The following TRPM3 variants were observed in gnomAD, a reference collection of about 807,000 sequenced individuals.
The protein encoded by TRPM3 is transient receptor potential cation channel subfamily M member 3.
TRPM3 carries 77 observed loss-of-function variants against 181.2 expected under a neutral mutation model. The observed-to-expected ratio is 0.42, with a 90% confidence interval of 0.35 to 0.51. TRPM3 has a LOEUF of 0.51. Ranked by LOEUF, TRPM3 falls within the 20% of genes least tolerant of loss-of-function variation. The pLI is 0.01. For missense variants in TRPM3, 1,759 were observed against 2,196.7 expected (o/e 0.80, Z 3.98); for synonymous variants, 745 against 796.4 (o/e 0.94, Z 1.09).
Position 71,200,318 on chromosome 9 carries a change from G to A in TRPM3, c.183+246335C>T, listed in dbSNP as rs554849710. On this transcript the variant is annotated intron_variant, in intron 1 of 24. Transcript: ENST00000357533. The stretch of plus-strand genomic sequence containing the variant: ...CTATGTGGTCAATTTTGGAATAGGT[G>A]TGGTGTGGTGCTGAAAAAAATGTAT... 2.0e-5 allele frequency among the ~76,000 whole-genome samples: 3 copies of A among 151,850 alleles called. No individual in the cohort carries two copies. The East Asian group carries it at 5.8e-4, about 29-fold the overall frequency.
intron 6 of TRPM3, among the ~76,000 whole-genome samples, chr9:70,786,375 C>A (rs1156243771): frequency 2.0e-5 from 3 of 147,932 alleles, no homozygotes; most frequent in Non-Finnish European, 3.0e-5. Context: ...ATCCCAGCTA[C>A]TTGGGAGGCT....
intron 1 of TRPM3, among the ~76,000 whole-genome samples, chr9:71,104,707 T>C (rs2069122647): frequency 6.6e-6 from 1 of 152,186 alleles, no homozygotes; most frequent in South Asian, 2.1e-4. Context: ...TTTGCTGTTG[T>C]TATTGCTTTT....
intron 9 of TRPM3, among the ~76,000 whole-genome samples, chr9:70,660,235 C>T (rs4745024): frequency 6.6e-6 from 1 of 151,910 alleles, no homozygotes; most frequent in African/African-American, 2.4e-5. Flanking sequence ...AGGGAAAAGT[C>T]AAACTGGGAA....
At chr9:71,136,970 G>T (rs187939067) in intron 1 of TRPM3, among the ~76,000 whole-genome samples, 1 of 152,298 alleles carries the variant, frequency 6.6e-6, no homozygotes, top group East Asian at 1.9e-4. Context: ...AGGTTTTTAA[G>T]TGTGCAGTAA....
At chr9:70,777,581 T>C (rs1012169524) in intron 7 of TRPM3, among the ~76,000 whole-genome samples, 2 of 152,176 alleles carry the variant, frequency 1.3e-5, no homozygotes, top group Non-Finnish European at 2.9e-5. Context: ...TATGTCTTTA[T>C]ATATACTACA....
rs114876188 is a variant in TRPM3, at chr9:70,805,603, T to C, written c.974-21324A>G. 6.9e-3 allele frequency among the ~76,000 whole-genome samples: 997 copies of C among 143,918 alleles called. 14 individuals are homozygous for C. The highest frequency in any genetic ancestry group is 0.024 in the African/African-American group (947 of 39,720). The allele number at this position is 143,918 out of a possible 152,430, so 94.4% of individuals were successfully genotyped here. On this transcript the variant is annotated intron_variant, in intron 6 of 25. Coordinates refer to ENST00000677713, the MANE Select transcript of TRPM3 (RefSeq NM_001366145.2). ...AAACCAGGTGGAAAGGGTCTTGGAA[T>C]TGGGTTTATTTGAATAAAAGAAAAT...
chr9:70,773,898 T>C (rs1303795077), intron 7 of TRPM3, among the ~76,000 whole-genome samples: 1 of 152,240 alleles, frequency 6.6e-6, no homozygotes, highest in East Asian at 1.9e-4. Context: ...TACGTGATGA[T>C]TGCCTGGTAG....
chr9:70,941,381 G>T (rs1247505975), intron 1 of TRPM3, among the ~76,000 whole-genome samples: 1 of 152,070 alleles, frequency 6.6e-6, no homozygotes, highest in African/African-American at 2.4e-5. Flanking sequence ...CCAGTGATTT[G>T]CCAAGGGCTC....
intron 5 of TRPM3, among the ~76,000 whole-genome samples, chr9:70,828,492 A>C (rs2093689336): frequency 6.6e-6 from 1 of 150,942 alleles, no homozygotes; most frequent in Non-Finnish European, 1.5e-5. Flanking sequence ...CTCATTCAGT[A>C]ATTTGAAGGT....
At chr9:71,240,522 G>A (rs2081601256) in intron 1 of TRPM3, among the ~76,000 whole-genome samples, 1 of 152,108 alleles carries the variant, frequency 6.6e-6, no homozygotes, top group Non-Finnish European at 1.5e-5. Flanking sequence ...TCATTAGTTT[G>A]ATATATTTTA....
chr9:71,120,622 TA>T (rs1404715038), intron 1 of TRPM3, among the ~76,000 whole-genome samples: 1 of 152,178 alleles, frequency 6.6e-6, no homozygotes, highest in Non-Finnish European at 1.5e-5. Context: ...ATGCCTTTTC[TA>T]AAAACAAGGA....
chr9:70,944,667 T>G (rs1054682512), intron 1 of TRPM3, among the ~76,000 whole-genome samples: 1 of 152,162 alleles, frequency 6.6e-6, no homozygotes, highest in Non-Finnish European at 1.5e-5. Flanking sequence ...CAGGAGATAC[T>G]TGATTTAGGG....
At chr9:71,400,340 G>A (rs1403949470) in intron 1 of TRPM3, among the ~76,000 whole-genome samples, 2 of 152,024 alleles carry the variant, frequency 1.3e-5, no homozygotes, top group East Asian at 3.9e-4. Flanking sequence ...TAAGTGTTTG[G>A]CTCTGTAATT....
chr9:71,363,125 A>G (rs1184724445), intron 1 of TRPM3, among the ~76,000 whole-genome samples: 2 of 152,198 alleles, frequency 1.3e-5, no homozygotes, highest in Non-Finnish European at 2.9e-5. Context: ...ATATGGCAAA[A>G]TTTCTGCAAG....
chr9:70,957,787 CAGTT>C (rs1197715131), intron 1 of TRPM3, among the ~76,000 whole-genome samples: 3 of 152,106 alleles, frequency 2.0e-5, no homozygotes, highest in Admixed American at 6.6e-5. Flanking sequence ...CAGAACTTAA[CAGTT>C]AGGAAACAGA....
rs570500648 is a variant in TRPM3, at chr9:70,578,563, C to T, written c.3223+12468G>A. ...TGACTGTTCAGACACCCTAAGTGCC[C>T]GATGTCCTAACTTGGTCTTTGGTCT... is the stretch of plus-strand genomic sequence containing the variant. On this transcript the variant is annotated intron_variant, in intron 22 of 25. Transcript: ENST00000677713. Among the ~76,000 whole-genome samples the T allele has an allele frequency of 8.7e-4, 133 of 152,300 alleles. 2 individuals are homozygous for T. Among genetic ancestry groups the T allele is most frequent in the Non-Finnish European group, 1.7e-3 (113 of 68,028 alleles).
chr9:71,003,546 T>C (rs1381837958), intron 1 of TRPM3, among the ~76,000 whole-genome samples: 1 of 152,172 alleles, frequency 6.6e-6, no homozygotes, highest in African/African-American at 2.4e-5. Context: ...CACTGTGCTT[T>C]CCCATCAGCA....
chr9:70,567,504 A>T (rs2050928172), intron 22 of TRPM3, among the ~76,000 whole-genome samples: 1 of 152,136 alleles, frequency 6.6e-6, no homozygotes, highest in Non-Finnish European at 1.5e-5. Flanking sequence ...TGACATGTCA[A>T]ATCTAACCTA....
At chr9:71,123,110 G>T (rs2073818055), upstream of TRPM3, among the ~76,000 whole-genome samples, 1 of 152,170 alleles carries the variant, frequency 6.6e-6, no homozygotes, top group South Asian at 2.1e-4. Context: ...CTGGAATCTG[G>T]ATTGAAACCA....
Sources: allele counts gnomAD v4.1 joint callset (sites outside exome capture counted in the v4.1 genomes callset), GRCh38; gene constraint gnomAD v4.1.1; transcripts MANE v1.5; gene names NCBI Gene and HGNC (gene_info 2026-07-23, HGNC 2026-07-21).